The following C2CD5 variants were observed in gnomAD, a reference collection of about 807,000 sequenced individuals.
C2CD5 encodes the protein C2 calcium dependent domain containing 5, also known as C2 domain-containing protein 5.
Under a neutral mutation model 130.3 loss-of-function variants are expected in C2CD5, and 109 were observed. That is an observed-to-expected ratio of 0.84 (90% CI 0.72 to 0.98). C2CD5 has a LOEUF of 0.98. C2CD5 is among the 50% of genes least tolerant of loss of function. C2CD5 has a pLI of 0.00. For missense variants in C2CD5, 996 were observed against 1,261.8 expected (o/e 0.79, Z 3.19); for synonymous variants, 454 against 429.2 (o/e 1.06, Z -0.71).
intron 10 of C2CD5, among the ~76,000 whole-genome samples, chr12:22,505,132 A>G (rs182529996): frequency 2.0e-5 from 3 of 152,288 alleles, no homozygotes; most frequent in Admixed American, 2.0e-4. Flanking sequence ...ATCAAACTAC[A>G]GGGCATAAAT....
chr12:22,526,091 G>C (rs752884042), intron 4 of C2CD5, among the ~76,000 whole-genome samples: 6 of 152,200 alleles, frequency 3.9e-5, no homozygotes, highest in Non-Finnish European at 8.8e-5. Context: ...AGGTGCATCT[G>C]TAATGTGTTG....
chr12:22,482,873 CAATA>C, intron 13 of C2CD5, 130 bp from the exon 14 acceptor site: 1 of 665,820 alleles, frequency 1.5e-6, no homozygotes, highest in East Asian at 2.7e-5. Context: ...TGAGTTATAT[CAATA>C]ATCTGTTCTG....
intron 8 of C2CD5, among the ~76,000 whole-genome samples, chr12:22,514,117 C>T (rs1165421766): frequency 6.6e-6 from 1 of 151,964 alleles, no homozygotes; most frequent in Non-Finnish European, 1.5e-5. Context: ...TTTTATTGTT[C>T]TGACCATGCC....
intron 11 of C2CD5, among the ~76,000 whole-genome samples, chr12:22,491,438 C>T (rs539300484): frequency 6.6e-6 from 1 of 152,256 alleles, no homozygotes; most frequent in South Asian, 2.1e-4. Context: ...TCAGTTACTT[C>T]ATTGACATTT....
intron 11 of C2CD5, among the ~76,000 whole-genome samples, chr12:22,492,590 C>A (rs560494023): frequency 2.0e-5 from 3 of 152,006 alleles, no homozygotes; most frequent in Admixed American, 2.0e-4. Context: ...GAGAGAGCAG[C>A]GAAGTAACTA....
At chr12:22,543,336 T>C (rs1357426166) in intron 2 of C2CD5, among the ~76,000 whole-genome samples, 1 of 152,230 alleles carries the variant, frequency 6.6e-6, no homozygotes, top group Non-Finnish European at 1.5e-5. Context: ...TAAAAAGCAA[T>C]TTTGCAATTT....
chr12:22,475,579 G>A (rs1050892736), intron 15 of C2CD5, among the ~76,000 whole-genome samples: 4 of 152,086 alleles, frequency 2.6e-5, no homozygotes, highest in Admixed American at 6.6e-5. Flanking sequence ...ATACGTGAAC[G>A]CAAAAGCAAA....
At chr12:22,474,721 C>T (rs774776614) in intron 16 of C2CD5, 30 bp downstream of exon 16, 5 of 1,534,556 alleles carry the variant, frequency 3.3e-6, no homozygotes, top group Admixed American at 2.0e-5. Flanking sequence ...CTTCCAAAAC[C>T]TTTAAGAAAT....
intron 10 of C2CD5, among the ~76,000 whole-genome samples, chr12:22,503,535 G>T (rs995346987): frequency 1.3e-5 from 2 of 151,916 alleles, no homozygotes; most frequent in African/African-American, 4.8e-5. Flanking sequence ...TTTTGAGATG[G>T]AGTCTCCCTC....
intron 12 of C2CD5, among the ~76,000 whole-genome samples, chr12:22,487,530 AT>A (rs1945704585): frequency 1.3e-5 from 2 of 152,316 alleles, no homozygotes; most frequent in African/African-American, 4.8e-5. Context: ...TAGAATGGTG[AT>A]CATTAAAAAG....
rs1220657278 is a variant in C2CD5 at position 22,470,896 on chromosome 12, C to A, written c.2374G>T (p.Val792Phe). The A allele has an allele frequency of 6.2e-7, 1 of 1,610,254 alleles. No homozygotes were observed. The highest frequency in any genetic ancestry group is 2.2e-5 in the East Asian group (1 of 44,816). The change falls in exon 21 of 27, where the codon GTC becomes TTC. Residue 792 changes from valine to phenylalanine, a missense_variant. Transcript: ENST00000446597. ...TGATTTTTGTCAAAAGTGATTGCGACTGCCGTGACTGTAACCTAGAATTAT... is the reference window on the plus strand; with the variant it reads ...TGATTTTTGTCAAAAGTGATTGCGAATGCCGTGACTGTAACCTAGAATTAT... ...DELIQVTVTAVAITFDKNQAL... is the reference protein window; with the variant it reads ...DELIQVTVTAFAITFDKNQAL...
chr12:22,539,992 C>CAA (rs59902224), intron 2 of C2CD5, among the ~76,000 whole-genome samples: 13 of 90,738 alleles, frequency 1.4e-4, no homozygotes, highest in South Asian at 3.9e-4. Context: ...AGCTCCGTCT[C>CAA]AAAAAAAAAA....
intron 2 of C2CD5, among the ~76,000 whole-genome samples, chr12:22,540,102 T>A (rs989689677): frequency 2.0e-5 from 3 of 151,784 alleles, no homozygotes; most frequent in Non-Finnish European, 4.4e-5. Context: ...ACTACAACCA[T>A]CATGTAAATC....
chr12:22,486,902 G>A (rs564116265), intron 12 of C2CD5, among the ~76,000 whole-genome samples: 11 of 152,058 alleles, frequency 7.2e-5, no homozygotes, highest in Admixed American at 2.6e-4. Context: ...ATAATGCCAC[G>A]CATCTACAAC....
chr12:22,493,190 T>A, intron 11 of C2CD5, 33 bp downstream of exon 11: 2 of 1,212,842 alleles, frequency 1.6e-6, no homozygotes, highest in South Asian at 2.7e-5. Context: ...TCTAAATTAG[T>A]GTCTGGAAAA....
chr12:22,496,963 T>C (rs12824658), intron 10 of C2CD5, among the ~76,000 whole-genome samples: 4,318 of 152,166 alleles, frequency 0.028, 74 homozygotes, highest in Non-Finnish European at 0.044. Context: ...AACATTTTGT[T>C]TCTGAAGTGC....
At chr12:22,499,901 T>A (rs1317059682) in intron 10 of C2CD5, among the ~76,000 whole-genome samples, 2 of 152,172 alleles carry the variant, frequency 1.3e-5, no homozygotes, top group Non-Finnish European at 2.9e-5. Context: ...TAAAAACATT[T>A]CTAGGTCTGG....
intron 3 of C2CD5, among the ~76,000 whole-genome samples, chr12:22,533,400 A>G (rs961695613): frequency 9.2e-5 from 14 of 152,210 alleles, no homozygotes; most frequent in Non-Finnish European, 2.9e-5. Context: ...TCTGTAAATG[A>G]GAACTGTATC....
At chr12:22,457,794 TATC>T in intron 24 of C2CD5, among the ~76,000 whole-genome samples, 2 of 152,248 alleles carry the variant, frequency 1.3e-5, no homozygotes, top group South Asian at 4.1e-4. Flanking sequence ...AAACACAGGT[TATC>T]ATCATCATCC....
Sources: allele counts gnomAD v4.1 joint callset (sites outside exome capture counted in the v4.1 genomes callset), GRCh38; gene constraint gnomAD v4.1.1; transcripts MANE v1.5; gene names NCBI Gene and HGNC (gene_info 2026-07-23, HGNC 2026-07-21).